The following ALDH5A1 variants were observed in gnomAD, a reference collection of about 807,000 sequenced individuals.
ALDH5A1 encodes succinate-semialdehyde dehydrogenase, mitochondrial.
In ALDH5A1, 33 loss-of-function variants were observed where a neutral mutation model predicts 54.7. That is an observed-to-expected ratio of 0.60 (90% CI 0.46 to 0.81). The LOEUF is 0.81. ALDH5A1 is among the 30% of genes least tolerant of loss of function. The pLI, the probability that ALDH5A1 is intolerant of heterozygous loss-of-function variation, is 0.00. For synonymous variants in ALDH5A1, 294 were observed against 292.7 expected (o/e 1.00, Z -0.05); for missense variants, 657 against 711.0 (o/e 0.92, Z 0.86).
rs1270587368 is a variant in ALDH5A1 at position 24,495,055 on chromosome 6, C to T, written c.59C>T (p.Pro20Leu). 3 of 1,351,868 alleles carry T rather than the reference C, an allele frequency of 2.2e-6. No homozygotes were observed. Among genetic ancestry groups the T allele is most frequent in the South Asian group, 2.1e-5 (1 of 47,106 alleles). The allele number at this position is 1,351,868 out of a possible 1,614,324, so 83.7% of individuals were successfully genotyped here. Residue 20 changes from proline to leucine, a missense_variant, in exon 1 of 10, where the codon CCA becomes CTA. Coordinates refer to ENST00000357578, the MANE Select transcript of ALDH5A1 (RefSeq NM_001080.3). ...GCCCGGCGCCTCGGGTCGACGTTTC[C>T]AGGCTGCCGCCTCCGCCCCCGCGCC... ...CGARRLGSTF[P>L]GCRLRPRAGG... is the part of the protein sequence containing the mutation.
At chr6:24,532,455 C>A (rs556630124) in intron 9 of ALDH5A1, among the ~76,000 whole-genome samples, 21 of 152,328 alleles carry the variant, frequency 1.4e-4, no homozygotes, top group Admixed American at 4.6e-4. Context: ...CTGCACACAT[C>A]TCAAAGTCCC....
chr6:24,522,645 T>G, intron 6 of ALDH5A1, 122 bp from the exon 7 acceptor site: 1 of 1,214,840 alleles, frequency 8.2e-7, no homozygotes, highest in Non-Finnish European at 1.2e-6. Context: ...AAATGGCAGT[T>G]TGAGCACATG....
intron 1 of ALDH5A1, 88 bp downstream of exon 1, chr6:24,495,438 C>T: frequency 7.7e-7 from 1 of 1,302,090 alleles, no homozygotes; most frequent in South Asian, 1.3e-5. Flanking sequence ...ACACCAGCCG[C>T]GTCGCCTCCC....
At chr6:24,496,678 G>A (rs1764713194) in intron 1 of ALDH5A1, among the ~76,000 whole-genome samples, 1 of 152,176 alleles carries the variant, frequency 6.6e-6, no homozygotes, top group African/African-American at 2.4e-5. Context: ...AAGTGAGGAT[G>A]TAAAGTAAGC....
At chr6:24,504,715 G>T (rs988263735) in intron 3 of ALDH5A1, among the ~76,000 whole-genome samples, 154 bp from the exon 4 acceptor site, 1 of 152,208 alleles carries the variant, frequency 6.6e-6, no homozygotes, top group Non-Finnish European at 1.5e-5. Flanking sequence ...GTTGGCGGGG[G>T]GGTCAGGTGT....
chr6:24,515,599 G>A (rs746598392), intron 5 of ALDH5A1, among the ~76,000 whole-genome samples: 5 of 152,126 alleles, frequency 3.3e-5, no homozygotes, highest in East Asian at 1.9e-4. Flanking sequence ...GTGCACACCC[G>A]TAATCCCAGG....
At chr6:24,519,027 A>G (rs1053813649) in intron 5 of ALDH5A1, among the ~76,000 whole-genome samples, 1 of 152,170 alleles carries the variant, frequency 6.6e-6, no homozygotes, top group Non-Finnish European at 1.5e-5. Flanking sequence ...AAGCCTTATG[A>G]TTATACATTG....
chr6:24,506,867 A>G (rs2127383579), intron 4 of ALDH5A1, among the ~76,000 whole-genome samples: 1 of 152,292 alleles, frequency 6.6e-6, no homozygotes, highest in African/African-American at 2.4e-5. Context: ...CAATTAATGA[A>G]TCAATAGTGA....
At chr6:24,504,817 C>T in intron 3 of ALDH5A1, 52 bp from the exon 4 acceptor site, 1 of 1,534,044 alleles carries the variant, frequency 6.5e-7, no homozygotes, top group Non-Finnish European at 9.0e-7. Context: ...TTCCTTTGCA[C>T]TAAGGAGGTG....
Position 24,495,147 on chromosome 6 carries a change from C to G in ALDH5A1, c.151C>G (p.Leu51Val). Residue 51 changes from leucine to valine, a missense_variant, in exon 1 of 10, where the codon CTG (leucine) becomes GTG (valine). Physicochemically the swap from Leu to Val is conservative, Grantham distance 32. This residue lies in a region of ALDH5A1 where 232 missense variants were observed against 194.6 expected (regional missense o/e 1.19). Coordinates refer to ENST00000357578, the MANE Select transcript of ALDH5A1 (RefSeq NM_001080.3). ...PAQLRCYAGRLAGLSAALLRT... is the reference protein window; with the variant it reads ...PAQLRCYAGRVAGLSAALLRT... ...CCAGCTCCGCTGCTACGCTGGGCGC[C>G]TGGCGGGCCTCTCTGCGGCGCTGCT... 3 of 1,421,812 alleles carry G rather than the reference C, an allele frequency of 2.1e-6. No individual in the cohort carries two copies. Among genetic ancestry groups the G allele is most frequent in the Non-Finnish European group, 2.7e-6 (3 of 1,094,876 alleles). 88.1% of individuals were successfully genotyped at this position (1,421,812 alleles called of 1,614,324 possible).
chr6:24,502,985 G>A (rs1713862583), intron 2 of ALDH5A1, among the ~76,000 whole-genome samples: 1 of 151,174 alleles, frequency 6.6e-6, no homozygotes, highest in Admixed American at 6.6e-5. Flanking sequence ...TCATATCGTG[G>A]TTACAATACT....
intron 1 of ALDH5A1, 144 bp downstream of exon 1, chr6:24,495,494 A>G: frequency 2.4e-6 from 2 of 830,892 alleles, no homozygotes; most frequent in East Asian, 2.9e-5. Context: ...AAGTCAGAGC[A>G]ACAAGGGAGA....
intron 7 of ALDH5A1, among the ~76,000 whole-genome samples, chr6:24,524,020 C>T (rs1455096305): frequency 7.3e-6 from 1 of 137,190 alleles, no homozygotes; most frequent in Non-Finnish European, 1.5e-5. Context: ...GCGTCTCGCT[C>T]TGTTGCCCAG....
At chr6:24,507,367 T>G (rs1250870789) in intron 4 of ALDH5A1, among the ~76,000 whole-genome samples, 1 of 152,138 alleles carries the variant, frequency 6.6e-6, no homozygotes, top group Non-Finnish European at 1.5e-5. Flanking sequence ...TATTTTCTTC[T>G]GATATAAAGC....
intron 8 of ALDH5A1, among the ~76,000 whole-genome samples, chr6:24,528,483 C>A (rs1295405212): frequency 2.0e-5 from 3 of 152,078 alleles, no homozygotes; most frequent in African/African-American, 7.2e-5. Flanking sequence ...CTGCCTCAGC[C>A]TCCAGAGTAG....
chr6:24,527,269 C>T (rs2127389320), intron 7 of ALDH5A1, among the ~76,000 whole-genome samples: 1 of 152,000 alleles, frequency 6.6e-6, no homozygotes, highest in African/African-American at 2.4e-5. Context: ...ACATCCAGTG[C>T]ATCTTTTTTA....
intron 2 of ALDH5A1, 142 bp from the exon 3 acceptor site, chr6:24,503,121 A>G (rs1356373844): frequency 2.0e-5 from 20 of 1,005,502 alleles, no homozygotes; most frequent in East Asian, 7.8e-5. Flanking sequence ...AACTCACACC[A>G]AAGTCAGAAA....
rs139923487 is a variant in ALDH5A1, at chr6:24,522,704, G to A, written c.1015-63G>A. 8.9e-5 allele frequency: 141 copies of A among 1,590,348 alleles called. 1 individual carries two copies. The highest frequency in any genetic ancestry group is 1.7e-4 in the Middle Eastern group (1 of 5,946). On this transcript the variant is annotated intron_variant, in intron 6 of 9. Coordinates refer to ENST00000357578, the MANE Select transcript of ALDH5A1 (RefSeq NM_001080.3). ...CACAGAGAGGCGGTAGCAGCCACACGTTCACTGGTCAGGTCTGCAGCTTCT... is the reference window on the plus strand; with the variant it reads ...CACAGAGAGGCGGTAGCAGCCACACATTCACTGGTCAGGTCTGCAGCTTCT...
At chr6:24,499,322 G>A (rs1764774798) in intron 1 of ALDH5A1, among the ~76,000 whole-genome samples, 1 of 152,000 alleles carries the variant, frequency 6.6e-6, no homozygotes, top group Non-Finnish European at 1.5e-5. Flanking sequence ...TCTTGGCTTT[G>A]AATACACCTG....
Sources: allele counts gnomAD v4.1 joint callset (sites outside exome capture counted in the v4.1 genomes callset), GRCh38; gene constraint gnomAD v4.1.1; regional missense constraint gnomAD v4.1.1; transcripts MANE v1.5; gene names NCBI Gene and HGNC (gene_info 2026-07-23, HGNC 2026-07-21).